DOCK1: variants seen among roughly 807,000 people sequenced by gnomAD.
The protein encoded by DOCK1 is dedicator of cytokinesis protein 1.
DOCK1 carries 138 observed loss-of-function variants against 262.7 expected under a neutral mutation model. The ratio of observed to expected loss-of-function variants is 0.53; its 90% CI spans 0.46 to 0.61. The LOEUF is 0.61. Ranked by LOEUF, DOCK1 falls within the 20% of genes least tolerant of loss-of-function variation. The pLI is 0.00. For missense variants in DOCK1, 1,908 were observed against 2,370.7 expected, an observed-to-expected ratio of 0.80 and a Z score of 4.05; for synonymous variants, 866 against 867.4, an observed-to-expected ratio of 1.00 and a Z score of 0.03.
intron 23 of DOCK1, among the ~76,000 whole-genome samples, chr10:127,065,093 T>C (rs1356894847): frequency 6.6e-6 from 1 of 152,104 alleles, no homozygotes; most frequent in Non-Finnish European, 1.5e-5. Flanking sequence ...CACAGCAACC[T>C]CTGCCTTCCC....
chr10:127,420,362 C>T (rs1227229099), intron 46 of DOCK1, among the ~76,000 whole-genome samples: 1 of 152,182 alleles, frequency 6.6e-6, no homozygotes, highest in Non-Finnish European at 1.5e-5. Context: ...ATCTGTGCTT[C>T]TCAGAGCCTT....
At chr10:127,026,323 T>G in intron 15 of DOCK1, 29 bp from the exon 16 acceptor site, 1 of 1,549,066 alleles carries the variant, frequency 6.5e-7, no homozygotes, top group Non-Finnish European at 8.7e-7. Flanking sequence ...TTGATAACAG[T>G]GCTTAAACTT....
intron 23 of DOCK1, among the ~76,000 whole-genome samples, chr10:127,093,279 T>C (rs1212658924): frequency 1.5e-5 from 2 of 136,232 alleles, no homozygotes; most frequent in African/African-American, 5.5e-5. Context: ...AGGGTCTCGC[T>C]CTGTCATCCC....
intron 30 of DOCK1, 25 bp from the exon 31 acceptor site, chr10:127,343,621 G>C (rs779761270): frequency 1.3e-6 from 2 of 1,575,232 alleles, no homozygotes; most frequent in South Asian, 2.3e-5. Flanking sequence ...CAACAACTTA[G>C]CATCTCCTCC....
intron 46 of DOCK1, among the ~76,000 whole-genome samples, chr10:127,420,878 T>C (rs2068462944): frequency 2.0e-5 from 3 of 149,180 alleles, no homozygotes; most frequent in East Asian, 2.0e-4. Flanking sequence ...GTTCCTCTTA[T>C]GAGACATCAC....
At chr10:127,172,091 GTTTTC>G (rs746398626) in intron 27 of DOCK1, among the ~76,000 whole-genome samples, 1 of 152,110 alleles carries the variant, frequency 6.6e-6, no homozygotes, top group East Asian at 1.9e-4. Flanking sequence ...GCATTTTCCT[GTTTTC>G]TTTTTTTGTT....
chr10:126,936,567 A>G (rs962792580), intron 1 of DOCK1, among the ~76,000 whole-genome samples: 2 of 152,194 alleles, frequency 1.3e-5, no homozygotes, highest in Non-Finnish European at 2.9e-5. Context: ...GAGTACAAAA[A>G]CTGGTGACAG....
intron 33 of DOCK1, among the ~76,000 whole-genome samples, chr10:127,369,045 G>T (rs183924123): frequency 3.5e-4 from 54 of 152,278 alleles, no homozygotes; most frequent in Non-Finnish European, 5.0e-4. Context: ...CCATTTAGTT[G>T]TAACAGTATT....
intron 16 of DOCK1, among the ~76,000 whole-genome samples, chr10:127,030,812 GTCTCTGTCTCTA>G (rs76834778): frequency 0.046 from 6,910 of 151,702 alleles, 209 homozygotes; most frequent in Middle Eastern, 0.068. Flanking sequence ...CTCTGTCTCT[GTCTCTGTCTCTA>G]TCTCTATCTC....
At chr10:127,362,258 G>T in intron 33 of DOCK1, 46 bp downstream of exon 33, 1 of 1,582,230 alleles carries the variant, frequency 6.3e-7, no homozygotes, top group South Asian at 1.2e-5. Context: ...CATGAGGGAG[G>T]CAAACCTGAA....
chr10:127,093,250 T>TCTTTCTTTCTTTCTTTC (rs1564797804), intron 23 of DOCK1, among the ~76,000 whole-genome samples: 2 of 136,200 alleles, frequency 1.5e-5, no homozygotes, highest in African/African-American at 5.9e-5. Context: ...TTCTTTTTTT[T>TCTTTCTTTCTTTCTTTC]TTTTTTTTTT....
Position 127,384,922 on chromosome 10 carries a change from A to G in DOCK1, c.3927+13A>G. The G allele has an allele frequency of 1.3e-6, 2 of 1,577,608 alleles. No individual in the cohort carries two copies. Among genetic ancestry groups the G allele is most frequent in the Non-Finnish European group, 1.7e-6 (2 of 1,165,820 alleles). ...CGACAAAGGCAAGGTAAAACACAAA[A>G]AGCAATTGTCCTTGTTTTCCTCTTT... On this transcript the variant is annotated intron_variant, in intron 38 of 51. Coordinates refer to ENST00000623213, the MANE Select transcript of DOCK1 (RefSeq NM_001290223.2).
At chr10:127,397,280 T>A (rs796976685) in intron 38 of DOCK1, among the ~76,000 whole-genome samples, 8 of 121,884 alleles carry the variant, frequency 6.6e-5, no homozygotes, top group South Asian at 2.8e-4. Flanking sequence ...TCCTATGTGA[T>A]CTGAGCATGA....
At chr10:127,076,081 G>T (rs1315210967) in intron 23 of DOCK1, among the ~76,000 whole-genome samples, 1 of 152,166 alleles carries the variant, frequency 6.6e-6, no homozygotes, top group African/African-American at 2.4e-5. Flanking sequence ...CAGGTAATAT[G>T]TCCTTCTTAC....
intron 27 of DOCK1, among the ~76,000 whole-genome samples, chr10:127,214,204 A>C (rs1042771724): frequency 4.6e-5 from 7 of 152,148 alleles, no homozygotes; most frequent in African/African-American, 1.7e-4. Context: ...ATACATATGT[A>C]GAGATGACAA....
At chr10:127,239,948 G>T (rs747210035) in intron 27 of DOCK1, among the ~76,000 whole-genome samples, 53 of 151,996 alleles carry the variant, frequency 3.5e-4, no homozygotes, top group Non-Finnish European at 6.3e-4. Context: ...CATAACAAAT[G>T]TGAATATGTG....
chr10:127,175,049 T>TA lies in DOCK1; in HGVS notation c.2847+47289dup, dbSNP rs1452739041. The stretch of plus-strand genomic sequence containing the variant: ...CAGGATGCAGTGACGTCTAGTATCA[T>TA]AAAATAATCTGCGACCCCTTGGAGC... On this transcript the variant is annotated intron_variant, in intron 27 of 51. Coordinates refer to ENST00000623213, the MANE Select transcript of DOCK1 (RefSeq NM_001290223.2). The surrounding 1 kb of genome is among the most constrained non-coding windows in gnomAD (Gnocchi z 6.3). 2.6e-5 allele frequency among the ~76,000 whole-genome samples: 4 copies of TA among 152,152 alleles called. No individual in the cohort carries two copies. The highest frequency in any genetic ancestry group is 9.6e-5 in the African/African-American group (4 of 41,452).
intron 16 of DOCK1, among the ~76,000 whole-genome samples, chr10:127,026,978 T>A (rs77906339): frequency 0.18 from 27,231 of 152,250 alleles, 2,611 homozygotes; most frequent in Non-Finnish European, 0.21. Context: ...TTTTGTTAAA[T>A]TAATTGTCAA....
chr10:127,361,942 A>G (rs1269342004), intron 32 of DOCK1, 122 bp from the exon 33 acceptor site: 2 of 1,142,726 alleles, frequency 1.8e-6, no homozygotes, highest in Non-Finnish European at 2.4e-6. Flanking sequence ...AAATGGATGC[A>G]CATTTTCGGG....
Sources: allele counts gnomAD v4.1 joint callset (sites outside exome capture counted in the v4.1 genomes callset), GRCh38; gene constraint gnomAD v4.1.1; non-coding constraint Gnocchi (gnomAD v3.1); transcripts MANE v1.5; gene names NCBI Gene and HGNC (gene_info 2026-07-23, HGNC 2026-07-21).